Variants in SPIN1 observed in about 807,000 individuals in gnomAD.
SPIN1 encodes the protein spindlin 1.
In SPIN1, 3 loss-of-function variants were observed where a neutral mutation model predicts 26.0. The ratio of observed to expected loss-of-function variants is 0.12; its 90% confidence interval spans 0.05 to 0.30. The LOEUF is 0.30. Among genes scored for constraint, SPIN1 ranks in the 10% least tolerant of loss-of-function variants. The pLI is 1.00. For missense variants in SPIN1, 126 were observed against 333.4 expected, an observed-to-expected ratio of 0.38 and a Z score of 4.84; for synonymous variants, 101 against 116.5, an observed-to-expected ratio of 0.87 and a Z score of 0.86.
chr9:88,444,279 C>T (rs1213467759), intron 2 of SPIN1, among the ~76,000 whole-genome samples: 6 of 130,060 alleles, frequency 4.6e-5, no homozygotes, highest in Admixed American at 1.9e-4. Context: ...CTCGCTCTGT[C>T]GCTTAGGCTG....
In SPIN1 at chr9:88,401,212, C is replaced by T. The variant is rs115911392; in HGVS notation, c.-159+12674C>T. 7.8e-3 allele frequency among the ~76,000 whole-genome samples: 1,194 copies of T among 152,196 alleles called. 9 individuals are homozygous for T. Among genetic ancestry groups the T allele is most frequent in the African/African-American group, 0.027 (1,110 of 41,524 alleles). ...GATGAATTTGGACAGTATACAAATA[C>T]GTTATGTTTAAGGTTTTTCATTATA... On this transcript the variant is annotated intron_variant, in intron 1 of 5. Transcript: ENST00000375859.
intron 2 of SPIN1, among the ~76,000 whole-genome samples, chr9:88,445,784 C>T (rs1828239377): frequency 6.6e-6 from 1 of 151,798 alleles, no homozygotes; most frequent in Non-Finnish European, 1.5e-5. Context: ...AATCATCCAC[C>T]AGCCTTGGCC....
intron 1 of SPIN1, among the ~76,000 whole-genome samples, chr9:88,418,382 A>C (rs966819678): frequency 6.6e-6 from 1 of 152,072 alleles, no homozygotes; most frequent in Admixed American, 6.6e-5. Context: ...TGTGACAACA[A>C]TTTTTTTTCT....
intron 1 of SPIN1, among the ~76,000 whole-genome samples, chr9:88,407,458 T>C (rs1422499443): frequency 6.6e-6 from 1 of 151,938 alleles, no homozygotes; most frequent in Non-Finnish European, 1.5e-5. Context: ...TTTTGAAGGA[T>C]ACTTCTGATG....
At chr9:88,427,335 C>T (rs1462390574) in intron 2 of SPIN1, among the ~76,000 whole-genome samples, 1 of 152,076 alleles carries the variant, frequency 6.6e-6, no homozygotes, top group Non-Finnish European at 1.5e-5. Flanking sequence ...ATTTGGAGTT[C>T]TGTTGTAGAA....
chr9:88,437,077 T>C (rs1181528478), intron 2 of SPIN1, among the ~76,000 whole-genome samples: 1 of 152,110 alleles, frequency 6.6e-6, no homozygotes, highest in Non-Finnish European at 1.5e-5. Context: ...CTCTGTGTCT[T>C]TTTATGGCTT....
rs757363030 is a variant in SPIN1 at position 88,441,398 on chromosome 9, C to CGCGTGTGTGT, written c.53-7542_53-7541insCGTGTGTGTG. Among the ~76,000 whole-genome samples, 16 of 137,728 alleles carry CGCGTGTGTGT rather than the reference C, an allele frequency of 1.2e-4. 1 individual carries two copies. Among genetic ancestry groups the CGCGTGTGTGT allele is most frequent in the African/African-American group, 5.2e-4 (16 of 30,950 alleles). 90.4% of individuals were successfully genotyped at this position (137,728 alleles called of 152,430 possible). Reference sequence around the variant, plus strand: ...TGGTTGTATCATCATTGCTGCCATTCGTGTGTGTGTGTGTGTGCGCGCGCG... The same window carrying CGCGTGTGTGT: ...TGGTTGTATCATCATTGCTGCCATTCGCGTGTGTGTGTGTGTGTGTGTGTGTGCGCGCGCG... On this transcript the variant is annotated intron_variant, in intron 2 of 5. Transcript: ENST00000375859.
intron 1 of SPIN1, among the ~76,000 whole-genome samples, chr9:88,419,405 G>A (rs1005224698): frequency 2.0e-5 from 3 of 152,180 alleles, no homozygotes; most frequent in Non-Finnish European, 4.4e-5. Context: ...GGACCCATGC[G>A]TCAGGAATAA....
At chr9:88,444,025 T>C (rs1235417331) in intron 2 of SPIN1, among the ~76,000 whole-genome samples, 1 of 152,010 alleles carries the variant, frequency 6.6e-6, no homozygotes, top group African/African-American at 2.4e-5. Flanking sequence ...GTTGTGATTC[T>C]TTATCTCCGC....
chr9:88,395,188 A>G (rs1268851266), intron 1 of SPIN1, among the ~76,000 whole-genome samples: 1 of 152,038 alleles, frequency 6.6e-6, no homozygotes, highest in Non-Finnish European at 1.5e-5. Context: ...TTAAAAAGTT[A>G]TGTTCACAGC....
intron 1 of SPIN1, among the ~76,000 whole-genome samples, chr9:88,404,374 A>G (rs1404334346): frequency 6.6e-6 from 1 of 152,100 alleles, no homozygotes; most frequent in African/African-American, 2.4e-5. Context: ...CAATTCTTCA[A>G]TCCAGTCTTG....
chr9:88,406,371 A>G (rs1220404790), intron 1 of SPIN1, among the ~76,000 whole-genome samples: 1 of 151,384 alleles, frequency 6.6e-6, no homozygotes, highest in Admixed American at 6.6e-5. Flanking sequence ...GTTCACTGCA[A>G]GCTCCGCCTC....
intron 1 of SPIN1, among the ~76,000 whole-genome samples, chr9:88,423,068 A>G (rs551565911): frequency 1.3e-5 from 2 of 152,312 alleles, no homozygotes; most frequent in South Asian, 4.1e-4. Context: ...GCCACCATGT[A>G]TCCTTCCCCC....
At chr9:88,460,778 G>C (rs1828563808) in intron 3 of SPIN1, among the ~76,000 whole-genome samples, 1 of 152,154 alleles carries the variant, frequency 6.6e-6, no homozygotes, top group Non-Finnish European at 1.5e-5. Context: ...ATTGGTGATG[G>C]CATCTTCTTT....
intron 2 of SPIN1, among the ~76,000 whole-genome samples, chr9:88,441,933 A>T: frequency 6.9e-6 from 1 of 145,242 alleles, no homozygotes; most frequent in African/African-American, 2.6e-5. Flanking sequence ...TATAGATCTC[A>T]GCTTCTGACC....
At chr9:88,433,725 A>G (rs1174549111) in intron 2 of SPIN1, among the ~76,000 whole-genome samples, 5 of 152,180 alleles carry the variant, frequency 3.3e-5, no homozygotes, top group Admixed American at 6.5e-5. Flanking sequence ...TCCCCAGACA[A>G]GACTGTCTGT....
At chr9:88,399,146 C>T (rs901831616) in intron 1 of SPIN1, among the ~76,000 whole-genome samples, 1 of 151,984 alleles carries the variant, frequency 6.6e-6, no homozygotes, top group Non-Finnish European at 1.5e-5. Flanking sequence ...ATTCTCCTGC[C>T]TCAGCCTCCC....
intron 5 of SPIN1, among the ~76,000 whole-genome samples, chr9:88,472,030 G>A (rs1828800951): frequency 6.6e-6 from 1 of 151,946 alleles, no homozygotes; most frequent in African/African-American, 2.4e-5. Context: ...AACTCCTGGG[G>A]TGAAGTGATC....
In SPIN1 at chr9:88,477,538, T is replaced by C. The variant is rs1828909706; in HGVS notation, c.*2261T>C. 1 of 152,468 alleles carries C rather than the reference T, an allele frequency of 6.6e-6. No individual in the cohort carries two copies. The highest frequency in any genetic ancestry group is 1.5e-5 in the Non-Finnish European group (1 of 68,022). 9.4% of individuals were successfully genotyped at this position (152,468 alleles called of 1,614,324 possible). A position where few individuals can be genotyped will look rare whatever the true frequency, so the allele number is the denominator to read the frequency against. On this transcript the variant is annotated 3_prime_UTR_variant, in exon 6 of 6. Transcript: ENST00000375859. ...TTTAGGGCTGAGGGAAAGGGAAGGT[T>C]TGTTTTTTTTTCTCCCCATTTTCCC...
Sources: allele counts gnomAD v4.1 joint callset (sites outside exome capture counted in the v4.1 genomes callset), GRCh38; gene constraint gnomAD v4.1.1; transcripts MANE v1.5; gene names NCBI Gene and HGNC (gene_info 2026-07-23, HGNC 2026-07-21).